Variants in MAD1L1 observed in about 807,000 individuals in gnomAD.
MAD1L1 encodes mitotic arrest deficient 1 like 1, also known as mitotic spindle assembly checkpoint protein MAD1.
In MAD1L1, 95 loss-of-function variants were observed where a neutral mutation model predicts 96.9. The observed-to-expected ratio is 0.98, with a 90% CI of 0.83 to 1.16. The LOEUF (loss-of-function observed/expected upper bound fraction) is 1.16, where lower values mean the gene tolerates loss of function less well. MAD1L1 is among the 50% of genes most tolerant of loss of function. The pLI, the probability that MAD1L1 is intolerant of heterozygous loss-of-function variation, is 0.00. For missense variants in MAD1L1, 1,007 were observed against 954.4 expected, an observed-to-expected ratio of 1.06 and a Z score of -0.73; for synonymous variants, 473 against 396.6, an observed-to-expected ratio of 1.19 and a Z score of -2.29.
At chr7:2,064,574 T>C (rs1029218680) in intron 12 of MAD1L1, among the ~76,000 whole-genome samples, 1 of 151,362 alleles carries the variant, frequency 6.6e-6, no homozygotes, top group African/African-American at 2.4e-5. Context: ...AGGATTCTCC[T>C]AGGAGGACAG....
intron 13 of MAD1L1, among the ~76,000 whole-genome samples, chr7:2,006,991 G>A (rs1050985532): frequency 6.6e-6 from 1 of 152,252 alleles, no homozygotes; most frequent in Middle Eastern, 3.4e-3. Flanking sequence ...AGGGGATGGG[G>A]TGAGTCCCCC....
chr7:1,960,913 AG>A (rs1450840684), intron 15 of MAD1L1, among the ~76,000 whole-genome samples: 1 of 152,232 alleles, frequency 6.6e-6, no homozygotes, highest in Non-Finnish European at 1.5e-5. Flanking sequence ...CAGTCTATTT[AG>A]GAATTTCATA....
intron 18 of MAD1L1, chr7:1,849,338 C>G (rs943226067): frequency 6.6e-6 from 1 of 152,258 alleles, no homozygotes; most frequent in Non-Finnish European, 1.5e-5. Flanking sequence ...TTCCAGCCCA[C>G]GTCTCCTACG....
At chr7:2,154,842 G>A (rs760861656) in intron 10 of MAD1L1, among the ~76,000 whole-genome samples, 1 of 152,104 alleles carries the variant, frequency 6.6e-6, no homozygotes, top group East Asian at 1.9e-4. Context: ...CCGATCAAAC[G>A]GGTCAGGAGG....
intron 12 of MAD1L1, among the ~76,000 whole-genome samples, chr7:2,066,318 G>A (rs1192632987): frequency 6.6e-6 from 1 of 152,214 alleles, no homozygotes; most frequent in Non-Finnish European, 1.5e-5. Flanking sequence ...CGACACCAAG[G>A]CACACAGACC....
Position 1,929,777 on chromosome 7 carries a change from G to A in MAD1L1, c.1807+6910C>T, listed in dbSNP as rs796162791. 1.8e-3 allele frequency among the ~76,000 whole-genome samples: 101 copies of A among 55,840 alleles called. No individual in the cohort carries two copies. The South Asian group carries it at 0.032, about 18-fold the overall frequency. 36.6% of individuals were successfully genotyped at this position (55,840 alleles called of 152,430 possible). A position where few individuals can be genotyped will look rare whatever the true frequency, so the allele number is the denominator to read the frequency against. ...CCCCACTGCCACGTCCCCTCGCCCC[G>A]TCCCCACTGCCACGTCCCCTCGCCC... On this transcript the variant is annotated intron_variant, in intron 17 of 18. Transcript: ENST00000265854.
rs900567464 is a variant in MAD1L1 at position 1,968,694 on chromosome 7, G to C, written c.1506-10975C>G. ...CTCCCTGATGGGACGTGGTGAGAAA[G>C]GACTTGTCGTCTGTGATCTTCCTTC... On this transcript the variant is annotated intron_variant, in intron 15 of 18. Transcript: ENST00000265854. The surrounding 1 kb of genome is among the most constrained non-coding windows in gnomAD (Gnocchi z 5.6). 6.6e-6 allele frequency among the ~76,000 whole-genome samples: 1 copy of C among 152,268 alleles called. No homozygotes were observed. The highest frequency in any genetic ancestry group is 1.5e-5 in the Non-Finnish European group (1 of 68,052).
intron 16 of MAD1L1, chr7:1,940,276 G>A (rs913016979): frequency 1.3e-5 from 2 of 152,284 alleles, no homozygotes; most frequent in African/African-American, 4.8e-5. Flanking sequence ...GCCGGGGCAG[G>A]AGAGGATCCG....
At chr7:2,033,493 G>A (rs1402349098) in intron 12 of MAD1L1, among the ~76,000 whole-genome samples, 1 of 152,148 alleles carries the variant, frequency 6.6e-6, no homozygotes, top group Non-Finnish European at 1.5e-5. Context: ...AAAGGTAAAA[G>A]ACAAACTGGG....
intron 10 of MAD1L1, among the ~76,000 whole-genome samples, chr7:2,195,432 A>G (rs1269912271): frequency 6.6e-6 from 1 of 152,370 alleles, no homozygotes; most frequent in Non-Finnish European, 1.5e-5. Flanking sequence ...AGTAAAAACT[A>G]GAAAGAGCAA....
At chr7:2,213,128 G>A (rs187211149) in intron 10 of MAD1L1, 84 bp downstream of exon 10, 335 of 1,427,334 alleles carry the variant, frequency 2.3e-4, no homozygotes, top group South Asian at 4.5e-4. Flanking sequence ...TGGAGACTGC[G>A]CTGGTGAGCC....
At chr7:1,985,258 G>A (rs989188434) in intron 14 of MAD1L1, among the ~76,000 whole-genome samples, 2 of 152,222 alleles carry the variant, frequency 1.3e-5, no homozygotes, top group Admixed American at 6.5e-5. Flanking sequence ...TGGAGGAGGC[G>A]ACCGTTCCTC....
chr7:2,096,730 C>T (rs930686611), intron 11 of MAD1L1, among the ~76,000 whole-genome samples: 3 of 152,160 alleles, frequency 2.0e-5, no homozygotes, highest in Non-Finnish European at 4.4e-5. Context: ...AACTCAGGCC[C>T]CTTCACGAGG....
At chr7:2,077,723 AGG>A (rs1327382107) in intron 11 of MAD1L1, among the ~76,000 whole-genome samples, 1 of 152,232 alleles carries the variant, frequency 6.6e-6, no homozygotes, top group Non-Finnish European at 1.5e-5. Flanking sequence ...GGAGGCTAGC[AGG>A]GAGCAGAGGA....
chr7:2,188,706 G>A (rs1017030639), intron 10 of MAD1L1, among the ~76,000 whole-genome samples: 1 of 151,976 alleles, frequency 6.6e-6, no homozygotes, highest in African/African-American at 2.4e-5. Flanking sequence ...AGACCTAAAT[G>A]TAAGACCTAA....
chr7:1,854,131 G>A (rs1784120126), intron 18 of MAD1L1, among the ~76,000 whole-genome samples: 1 of 152,144 alleles, frequency 6.6e-6, no homozygotes, highest in South Asian at 2.1e-4. Flanking sequence ...TCACGGGGCT[G>A]CCCAGCCTCT....
rs183495437 is a variant in MAD1L1 at position 1,902,965 on chromosome 7, G to A, written c.1808-4575C>T. Among the ~76,000 whole-genome samples, 71 of 138,098 alleles carry A rather than the reference G, an allele frequency of 5.1e-4. 1 individual carries two copies. Among genetic ancestry groups the A allele is most frequent in the African/African-American group, 1.4e-3 (52 of 36,508 alleles). The allele number at this position is 138,098 out of a possible 152,430, so 90.6% of individuals were successfully genotyped here. Reference sequence around the variant, plus strand: ...TGATGAAGCACTGTTCCAGGCAAGCGAGGACCCAGTGGCCTACAGAAGACG... The same window carrying A: ...TGATGAAGCACTGTTCCAGGCAAGCAAGGACCCAGTGGCCTACAGAAGACG... On this transcript the variant is annotated intron_variant, in intron 17 of 18. Transcript: ENST00000265854.
At chr7:1,926,972 AT>A (rs1789124799) in intron 17 of MAD1L1, among the ~76,000 whole-genome samples, 1 of 152,220 alleles carries the variant, frequency 6.6e-6, no homozygotes. Flanking sequence ...ACTGCAAAGG[AT>A]TAGAAAACAA....
chr7:2,166,584 A>T (rs1440044513), intron 10 of MAD1L1, among the ~76,000 whole-genome samples: 1 of 152,172 alleles, frequency 6.6e-6, no homozygotes. Context: ...ACGTTCAAAA[A>T]GAAAGCTAGA....
Sources: gnomAD v4.1 joint callset for allele counts (sites outside exome capture counted in the v4.1 genomes callset) on GRCh38, gnomAD v4.1.1 for gene constraint, Gnocchi (gnomAD v3.1) non-coding constraint, MANE v1.5 for transcripts, NCBI Gene and HGNC (gene_info 2026-07-23, HGNC 2026-07-21) for gene names.